The following RALYL variants were observed in gnomAD, a reference collection of about 807,000 sequenced individuals.
RALYL encodes the protein RALY RNA binding protein like.
In RALYL, 29 loss-of-function variants were observed where a neutral mutation model predicts 35.1. The ratio of observed to expected loss-of-function variants is 0.83; its 90% CI spans 0.61 to 1.13. The LOEUF is 1.13. Ranked by LOEUF, RALYL falls within the 50% of genes most tolerant of loss-of-function variation. The pLI is 0.00. For missense variants in RALYL, 359 were observed against 360.4 expected (o/e 1.00, Z 0.03); for synonymous variants, 120 against 127.6 (o/e 0.94, Z 0.40).
chr8:84,590,077 T>C (rs1035779970), intron 2 of RALYL, among the ~76,000 whole-genome samples: 12 of 152,198 alleles, frequency 7.9e-5, no homozygotes, highest in Non-Finnish European at 1.8e-4. Context: ...AGATATAATC[T>C]TCCTAATTCA....
chr8:84,255,683 GA>G (rs1482693698), intron 1 of RALYL, among the ~76,000 whole-genome samples: 6 of 151,968 alleles, frequency 3.9e-5, no homozygotes. Context: ...CATTGCCGCA[GA>G]ATAAACACTC....
chr8:84,665,646 C>T (rs557311327), intron 2 of RALYL: 50 of 152,014 alleles, frequency 3.3e-4, no homozygotes, highest in African/African-American at 1.1e-3. Context: ...TGGCATTAGT[C>T]GTGATATCCC....
At chr8:84,567,520 C>T (rs114022708) in intron 2 of RALYL, among the ~76,000 whole-genome samples, 2,284 of 151,802 alleles carry the variant, frequency 0.015, 68 homozygotes, top group African/African-American at 0.052. Context: ...TATATTGCCA[C>T]AAAGGAAACA....
chr8:84,477,319 A>G (rs1165969567), intron 1 of RALYL, among the ~76,000 whole-genome samples: 1 of 151,578 alleles, frequency 6.6e-6, no homozygotes, highest in Non-Finnish European at 1.5e-5. Context: ...TTGCTTTTTC[A>G]TCATAAGCAC....
intron 2 of RALYL, among the ~76,000 whole-genome samples, chr8:84,533,306 C>T (rs144108999): frequency 2.0e-4 from 31 of 152,024 alleles, no homozygotes; most frequent in Admixed American, 1.1e-3. Context: ...ACATTATATG[C>T]GAGATAAAAA....
chr8:84,796,303 C>T (rs1009282316), intron 3 of RALYL, among the ~76,000 whole-genome samples: 1 of 152,142 alleles, frequency 6.6e-6, no homozygotes, highest in Non-Finnish European at 1.5e-5. Context: ...AGCACAGAAG[C>T]CTGGGATTGT....
chr8:84,771,056 C>T (rs536849147), intron 2 of RALYL, among the ~76,000 whole-genome samples: 2 of 151,950 alleles, frequency 1.3e-5, no homozygotes, highest in East Asian at 3.9e-4. Context: ...TAGTTTTATC[C>T]CATGTATTTT....
At chr8:84,874,472 G>A (rs1298863845) in intron 7 of RALYL, among the ~76,000 whole-genome samples, 2 of 152,042 alleles carry the variant, frequency 1.3e-5, no homozygotes, top group African/African-American at 4.8e-5. Flanking sequence ...CCCAATCTCA[G>A]GTTCTCCTCA....
At chr8:84,282,679 T>C (rs1462817178) in intron 1 of RALYL, among the ~76,000 whole-genome samples, 5 of 106,372 alleles carry the variant, frequency 4.7e-5, no homozygotes, top group Non-Finnish European at 9.4e-5. Flanking sequence ...GGAGCAGATA[T>C]CTAAGCAAGA....
chr8:84,701,772 C>T (rs1840245358), intron 2 of RALYL, among the ~76,000 whole-genome samples: 1 of 152,152 alleles, frequency 6.6e-6, no homozygotes, highest in South Asian at 2.1e-4. Context: ...GCCGGGAAGC[C>T]AGAAGCCCTG....
chr8:84,424,176 T>C (rs1325608956), intron 1 of RALYL, among the ~76,000 whole-genome samples: 4 of 150,290 alleles, frequency 2.7e-5, no homozygotes, highest in Admixed American at 2.0e-4. Context: ...CCCCATCACT[T>C]TCAGGTACAC....
At chr8:84,560,973 G>A (rs2061434562) in intron 2 of RALYL, among the ~76,000 whole-genome samples, 1 of 152,028 alleles carries the variant, frequency 6.6e-6, no homozygotes, top group African/African-American at 2.4e-5. Context: ...CATCTTTTGT[G>A]TTGAATTTAG....
At chr8:84,467,837 T>C (rs1257780351) in intron 1 of RALYL, among the ~76,000 whole-genome samples, 1 of 139,266 alleles carries the variant, frequency 7.2e-6, no homozygotes, top group Admixed American at 7.3e-5. Context: ...CTGTATTGGG[T>C]GCATATATAT....
chr8:84,506,607 T>A (rs1188400015), intron 1 of RALYL, among the ~76,000 whole-genome samples: 3 of 152,008 alleles, frequency 2.0e-5, no homozygotes, highest in African/African-American at 7.2e-5. Flanking sequence ...TTTCTGAATA[T>A]CATAAAAATT....
Position 84,810,545 on chromosome 8 carries a change from C to T in RALYL, c.365+5743C>T, listed in dbSNP as rs182864444. On this transcript the variant is annotated intron_variant, in intron 4 of 8. Coordinates refer to ENST00000521268, the MANE Select transcript of RALYL (RefSeq NM_173848.7). ...TTTAAATCCATTGTTTCTTTGTTGA[C>T]TTTCTGTCTTGATGACCTGTCTAGT... 3.3e-3 allele frequency among the ~76,000 whole-genome samples: 508 copies of T among 152,204 alleles called. 1 individual carries two copies. Among genetic ancestry groups the T allele is most frequent in the Non-Finnish European group, 6.3e-3 (431 of 67,980 alleles).
At chr8:84,341,326 C>T (rs1848749364) in intron 1 of RALYL, among the ~76,000 whole-genome samples, 1 of 151,822 alleles carries the variant, frequency 6.6e-6, no homozygotes, top group Non-Finnish European at 1.5e-5. Context: ...TTGCTCTTAA[C>T]TGGGTGAAGC....
In RALYL at chr8:84,191,014, G is replaced by A. The variant is rs939375346; in HGVS notation, c.-24+6590G>A. Among the ~76,000 whole-genome samples, 27 of 151,754 alleles carry A rather than the reference G, an allele frequency of 1.8e-4. 1 individual carries two copies. Among genetic ancestry groups the A allele is most frequent in the Non-Finnish European group, 7.4e-5 (5 of 67,908 alleles). The stretch of plus-strand genomic sequence containing the variant: ...GTTCAACAGAGCTAATGCTGCATAG[G>A]CTCAAAAGAAGATAAGACCTGAGAT... On this transcript the variant is annotated intron_variant, in intron 1 of 8. Transcript: ENST00000521268.
chr8:84,755,990 C>CA (rs1811304765), intron 2 of RALYL, among the ~76,000 whole-genome samples: 1 of 151,688 alleles, frequency 6.6e-6, no homozygotes, highest in Non-Finnish European at 1.5e-5. Context: ...TGATCTTTTC[C>CA]AAAAAGGTTT....
chr8:84,624,764 C>T (rs1377962355), intron 2 of RALYL, among the ~76,000 whole-genome samples: 1 of 152,152 alleles, frequency 6.6e-6, no homozygotes, highest in African/African-American at 2.4e-5. Context: ...TTGCACACTG[C>T]CTCTTGACTT....
Sources: gnomAD v4.1 joint callset for allele counts (sites outside exome capture counted in the v4.1 genomes callset) on GRCh38, gnomAD v4.1.1 for gene constraint, MANE v1.5 for transcripts, NCBI Gene and HGNC (gene_info 2026-07-23, HGNC 2026-07-21) for gene names.